Variants in DNAH14 observed in about 807,000 individuals in gnomAD.
DNAH14 encodes the protein axonemal beta dynein heavy chain 14.
A neutral mutation model predicts 520.9 loss-of-function variants in DNAH14; 478 were observed. The observed-to-expected ratio is 0.92, with a 90% CI of 0.85 to 0.99. The LOEUF (loss-of-function observed/expected upper bound fraction) is 0.99, where lower values mean the gene tolerates loss of function less well. DNAH14 is among the 50% of genes least tolerant of loss of function. The pLI is 0.00. For synonymous variants in DNAH14, 1,581 were observed against 1,757.2 expected, an observed-to-expected ratio of 0.90 and a Z score of 2.51; for missense variants, 4,831 against 5,234.5, an observed-to-expected ratio of 0.92 and a Z score of 2.38.
At chr1:225,201,060 A>C (rs6426058) in intron 38 of DNAH14, among the ~76,000 whole-genome samples, 16,183 of 151,202 alleles carry the variant, frequency 0.11, 1,076 homozygotes, top group East Asian at 0.23. Context: ...TTTTCTTCTT[A>C]TTATTATTAT....
intron 66 of DNAH14, among the ~76,000 whole-genome samples, 200 bp from the exon 67 acceptor site, chr1:225,337,066 A>C (rs1320286434): frequency 6.6e-6 from 1 of 152,184 alleles, no homozygotes; most frequent in Non-Finnish European, 1.5e-5. Context: ...TGTTGAACAC[A>C]AAAGTGTAAT....
chr1:225,056,918 G>A (rs1371583341), intron 17 of DNAH14, among the ~76,000 whole-genome samples: 2 of 152,194 alleles, frequency 1.3e-5, no homozygotes, highest in Non-Finnish European at 2.9e-5. Flanking sequence ...GTACCATGCT[G>A]TTTCGGTTAC....
chr1:225,308,376 CAGA>C lies in DNAH14; in HGVS notation c.9212_9214del (p.Glu3071del), dbSNP rs767008903. On this transcript the variant is annotated inframe_deletion, in exon 60 of 86. Transcript: ENST00000682510. ...GTTAAACAGGATGAAGAAATTGTGG[CAGA>C]AGAAGTAAGAATTGTGGAAGATTAT... 7.1e-5 allele frequency: 109 copies of C among 1,539,948 alleles called. No homozygotes were observed. In the South Asian group the frequency reaches 7.3e-4, roughly 10 times the overall value.
At chr1:225,137,121 T>G (rs7517625) in intron 27 of DNAH14, among the ~76,000 whole-genome samples, 11,110 of 152,262 alleles carry the variant, frequency 0.073, 632 homozygotes, top group East Asian at 0.24. Context: ...TAAAGTTAGT[T>G]ATTACCCACC....
rs576981679 is a variant in DNAH14 at position 225,051,663 on chromosome 1, G to A, written c.2292G>A (p.Lys764=). ...FRHIVNMAIE[K]RIGIFNVVSL... is the part of the protein sequence containing the mutation. The stretch of plus-strand genomic sequence containing the variant: ...ATATTGTGAATATGGCCATTGAGAA[G>A]CGTATTGGTATTTTCAACGTTGTAA... The change falls in exon 17 of 86, where the codon AAG becomes AAA. Residue 764 remains lysine, a synonymous_variant. Transcript: ENST00000682510. The A allele has an allele frequency of 7.7e-4, 1,198 of 1,551,062 alleles. 23 individuals carry two copies. In the South Asian group the frequency reaches 0.013, roughly 17 times the overall value.
intron 21 of DNAH14, among the ~76,000 whole-genome samples, chr1:225,088,101 G>T (rs908461751): frequency 2.7e-4 from 41 of 152,020 alleles, no homozygotes; most frequent in African/African-American, 9.9e-4. Context: ...AAGACTATAG[G>T]AATATAATAA....
chr1:225,261,955 G>A (rs1272490599), intron 46 of DNAH14, among the ~76,000 whole-genome samples: 1 of 151,926 alleles, frequency 6.6e-6, no homozygotes, highest in African/African-American at 2.4e-5. Context: ...GTCTAAATGA[G>A]AAATTCTTAC....
intron 41 of DNAH14, among the ~76,000 whole-genome samples, chr1:225,225,307 C>A (rs2090433005): frequency 6.6e-6 from 1 of 152,172 alleles, no homozygotes; most frequent in Non-Finnish European, 1.5e-5. Context: ...TACATGTATT[C>A]ATTGATACCA....
intron 68 of DNAH14, 136 bp from the exon 69 acceptor site, chr1:225,340,321 A>G: frequency 1.1e-6 from 1 of 872,588 alleles, no homozygotes; most frequent in East Asian, 2.7e-5. Context: ...TTGAAAGTGT[A>G]CTTTGTATAC....
chr1:225,123,815 C>T (rs1406413675), intron 27 of DNAH14, among the ~76,000 whole-genome samples: 7 of 151,972 alleles, frequency 4.6e-5, no homozygotes, highest in African/African-American at 1.4e-4. Context: ...TGCAGTGGTA[C>T]AATCTCAGCT....
chr1:225,331,286 C>A (rs887371358), intron 64 of DNAH14, 151 bp from the exon 65 acceptor site: 6 of 683,956 alleles, frequency 8.8e-6, no homozygotes, highest in Non-Finnish European at 1.4e-5. Flanking sequence ...TCTACAATGT[C>A]CATTTTCATT....
chr1:225,087,458 C>A (rs987924084), intron 21 of DNAH14, among the ~76,000 whole-genome samples: 8 of 152,172 alleles, frequency 5.3e-5, no homozygotes, highest in Admixed American at 1.3e-4. Context: ...AACCACAGCA[C>A]CGGCTTGCCT....
chr1:225,379,749 T>G (rs2150740241), intron 79 of DNAH14, among the ~76,000 whole-genome samples: 1 of 152,274 alleles, frequency 6.6e-6, no homozygotes, highest in Admixed American at 6.5e-5. Context: ...GGTCTCAAAC[T>G]CCTGACCTCA....
At chr1:225,000,566 C>CTTTTTTTTTTTTTTTTTT (rs199640733) in intron 8 of DNAH14, among the ~76,000 whole-genome samples, 1 of 133,320 alleles carries the variant, frequency 7.5e-6, no homozygotes. Context: ...AAGGTTTGTT[C>CTTTTTTTTTTTTTTTTTT]TTTTTTTTTT....
chr1:225,226,087 C>A (rs574893080), intron 41 of DNAH14, among the ~76,000 whole-genome samples: 1 of 152,248 alleles, frequency 6.6e-6, no homozygotes, highest in East Asian at 1.9e-4. Context: ...GGGTAATAAA[C>A]CTTCTTATTC....
intron 64 of DNAH14, among the ~76,000 whole-genome samples, chr1:225,325,854 G>A (rs988959236): frequency 6.6e-6 from 1 of 151,876 alleles, no homozygotes; most frequent in African/African-American, 2.4e-5. Context: ...GGCAACTCTG[G>A]GCTAGCGTTC....
chr1:224,992,193 T>G (rs1393111854), intron 8 of DNAH14, among the ~76,000 whole-genome samples: 1 of 152,166 alleles, frequency 6.6e-6, no homozygotes, highest in Admixed American at 6.5e-5. Context: ...TGCTTTGTTC[T>G]TTTTGCCCAT....
At position 225,399,203 on chromosome 1, in the gene DNAH14, G is replaced by A. The variant is rs1215220229; in HGVS notation, c.13788G>A (p.Thr4596=). 17 of 1,551,524 alleles carry A rather than the reference G, an allele frequency of 1.1e-5. No homozygotes were observed. The highest frequency in any genetic ancestry group is 2.4e-5 in the East Asian group (1 of 40,922). Residue 4596 remains threonine (T), a synonymous_variant, in exon 86 of 86, where the codon ACG becomes ACA. Coordinates refer to ENST00000682510, the MANE Select transcript of DNAH14 (RefSeq NM_001367479.1). ...TTTTAACATCAGTGTATTTATCAAC[G>A]AAGAAACCTCCTAGTCACTGGATCA... ...TNFLTSVYLS[T]KKPPSHWITM...
At position 225,335,153 on chromosome 1, in the gene DNAH14, G is replaced by GTGTACATA. The variant is rs1445889436; in HGVS notation, c.10080+1650_10080+1651insACATATGT. Reference sequence around the variant, plus strand: ...TATGTGCATGTGCACATGTGTACATGTGTGCATGTGTGCATGTGTACATGT... The same window carrying GTGTACATA: ...TATGTGCATGTGCACATGTGTACATGTGTACATATGTGCATGTGTGCATGTGTACATGT... On this transcript the variant is annotated intron_variant, in intron 66 of 85. Coordinates refer to ENST00000682510, the MANE Select transcript of DNAH14 (RefSeq NM_001367479.1). Among the ~76,000 whole-genome samples, 9 of 146,846 alleles carry GTGTACATA rather than the reference G, an allele frequency of 6.1e-5. 1 individual carries two copies. The East Asian group carries it at 2.0e-3, about 33-fold the overall frequency.
Sources: gnomAD v4.1 joint callset for allele counts (sites outside exome capture counted in the v4.1 genomes callset) on GRCh38, gnomAD v4.1.1 for gene constraint, MANE v1.5 for transcripts, NCBI Gene and HGNC (gene_info 2026-07-23, HGNC 2026-07-21) for gene names.